The following DCLK1 variants were observed in gnomAD, a reference collection of about 807,000 sequenced individuals.
The protein encoded by DCLK1 is serine/threonine-protein kinase DCLK1.
DCLK1 carries 16 observed loss-of-function variants against 86.2 expected under a neutral mutation model. That is an observed-to-expected ratio of 0.19 (90% CI 0.13 to 0.28). The LOEUF is 0.28. DCLK1 is among the 10% of genes least tolerant of loss of function. The pLI is 1.00. For missense variants in DCLK1, 590 were observed against 940.2 expected (o/e 0.63, Z 4.87); for synonymous variants, 369 against 370.5 (o/e 1.00, Z 0.05).
At chr13:35,869,181 G>A in intron 5 of DCLK1, 1 of 490,422 alleles carries the variant, frequency 2.0e-6, no homozygotes, top group Admixed American at 2.1e-5. Context: ...CCTGTCAGCT[G>A]GACAAGCTCA....
chr13:36,047,110 G>A (rs573935065), intron 3 of DCLK1, among the ~76,000 whole-genome samples: 6 of 152,316 alleles, frequency 3.9e-5, no homozygotes, highest in African/African-American at 1.2e-4. Context: ...TCATGAAAAT[G>A]CAAATTAAAA....
intron 4 of DCLK1, among the ~76,000 whole-genome samples, chr13:35,888,484 C>T (rs892088766): frequency 2.0e-5 from 3 of 152,140 alleles, no homozygotes; most frequent in Non-Finnish European, 4.4e-5. Flanking sequence ...ACCTTTACAA[C>T]AAGGGGTCAA....
At chr13:35,808,607 AC>A (rs1327215084) in intron 13 of DCLK1, among the ~76,000 whole-genome samples, 3 of 152,014 alleles carry the variant, frequency 2.0e-5, no homozygotes, top group African/African-American at 7.2e-5. Flanking sequence ...ACATGGTGAA[AC>A]CCCCATCTCT....
chr13:36,086,496 G>A (rs945580685), intron 3 of DCLK1, among the ~76,000 whole-genome samples: 7 of 148,024 alleles, frequency 4.7e-5, no homozygotes, highest in African/African-American at 7.5e-5. Context: ...GGATACATGC[G>A]CAGAACGTGC....
chr13:35,970,505 G>C (rs182679600), intron 3 of DCLK1, among the ~76,000 whole-genome samples: 3 of 152,198 alleles, frequency 2.0e-5, no homozygotes, highest in Admixed American at 1.3e-4. Flanking sequence ...TGATTAGGCC[G>C]TGATGGTTCA....
intron 3 of DCLK1, among the ~76,000 whole-genome samples, chr13:35,979,462 A>G (rs1879530456): frequency 6.6e-6 from 1 of 152,186 alleles, no homozygotes; most frequent in Non-Finnish European, 1.5e-5. Context: ...ATGACAGCCA[A>G]TCCATAAACA....
At chr13:35,878,104 T>C (rs998052592) in intron 4 of DCLK1, among the ~76,000 whole-genome samples, 7 of 152,208 alleles carry the variant, frequency 4.6e-5, no homozygotes, top group Admixed American at 4.6e-4. Context: ...CCCCAGTGCC[T>C]GGGAGATTCA....
chr13:35,873,107 G>A (rs964364773), intron 4 of DCLK1, among the ~76,000 whole-genome samples: 1 of 151,340 alleles, frequency 6.6e-6, no homozygotes, highest in Non-Finnish European at 1.5e-5. Context: ...AGACAAGCCG[G>A]GCCAACATGG....
At position 35,916,608 on chromosome 13, in the gene DCLK1, C is replaced by G. The variant is rs58301749; in HGVS notation, c.823+30750G>C. ...TTTCTTCACTTATATTTCCCTCTCT[C>G]TTTCTCCTCCTTCCTTTTTCTCTCC... On this transcript the variant is annotated intron_variant, in intron 4 of 16. Coordinates refer to ENST00000360631, the MANE Select transcript of DCLK1 (RefSeq NM_001330071.2). Among the ~76,000 whole-genome samples the G allele has an allele frequency of 1.2e-4, 19 of 152,296 alleles. No individual in the cohort carries two copies. The East Asian group carries it at 3.7e-3, about 29-fold the overall frequency.
At chr13:36,116,474 A>G (rs933726063) in intron 2 of DCLK1, among the ~76,000 whole-genome samples, 3 of 152,134 alleles carry the variant, frequency 2.0e-5, no homozygotes, top group Non-Finnish European at 1.5e-5. Flanking sequence ...TGTGTCAGCT[A>G]TAAAAGTGTT....
At chr13:35,978,485 CG>C (rs1879469734) in intron 3 of DCLK1, among the ~76,000 whole-genome samples, 1 of 151,962 alleles carries the variant, frequency 6.6e-6, no homozygotes, top group Non-Finnish European at 1.5e-5. Context: ...GGATTACCGG[CG>C]TGAGCCACCG....
intron 2 of DCLK1, among the ~76,000 whole-genome samples, chr13:36,123,771 A>G (rs1230149718): frequency 6.6e-6 from 1 of 152,262 alleles, no homozygotes; most frequent in Admixed American, 6.5e-5. Context: ...TGCCTGGCAC[A>G]TGCTCAATAA....
chr13:35,934,374 C>T (rs907914800), intron 4 of DCLK1, among the ~76,000 whole-genome samples: 1 of 152,276 alleles, frequency 6.6e-6, no homozygotes, highest in East Asian at 1.9e-4. Context: ...TGAAGATATA[C>T]CCGAGACTGG....
chr13:35,848,008 A>C (rs1250131889), intron 6 of DCLK1: 1 of 985,182 alleles, frequency 1.0e-6, no homozygotes, highest in Non-Finnish European at 1.2e-6. Flanking sequence ...CACTTCTAAA[A>C]TGCTGAAAGC....
intron 5 of DCLK1, among the ~76,000 whole-genome samples, chr13:35,861,375 C>G (rs1871372343): frequency 2.0e-5 from 3 of 152,292 alleles, no homozygotes; most frequent in Admixed American, 2.0e-4. Context: ...TTGGGGACCA[C>G]AAGCACCAAG....
intron 15 of DCLK1, among the ~76,000 whole-genome samples, chr13:35,800,796 C>T (rs2086903367): frequency 6.8e-6 from 1 of 147,008 alleles, no homozygotes. Context: ...TGGCTCACAG[C>T]AACCTCTGCC....
chr13:35,803,083 T>TA (rs1340981582), intron 15 of DCLK1, among the ~76,000 whole-genome samples: 6 of 152,196 alleles, frequency 3.9e-5, no homozygotes, highest in Non-Finnish European at 8.8e-5. Context: ...GGGGTAGATG[T>TA]AATGTGATGC....
chr13:35,988,843 T>C (rs1272283185), intron 3 of DCLK1, among the ~76,000 whole-genome samples: 8 of 152,174 alleles, frequency 5.3e-5, no homozygotes, highest in Non-Finnish European at 1.2e-4. Flanking sequence ...CATTATTCAT[T>C]TGCAGTAAGG....
At chr13:35,850,501 C>T (rs1870533820) in intron 6 of DCLK1, 3 of 1,206,552 alleles carry the variant, frequency 2.5e-6, no homozygotes, top group Admixed American at 4.4e-5. Context: ...CAAACTCTCC[C>T]CAATCAAATC....
Sources: allele counts gnomAD v4.1 joint callset (sites outside exome capture counted in the v4.1 genomes callset), GRCh38; gene constraint gnomAD v4.1.1; transcripts MANE v1.5; gene names NCBI Gene and HGNC (gene_info 2026-07-23, HGNC 2026-07-21).